Variants in QTMAN observed in about 807,000 individuals in gnomAD.
QTMAN encodes the protein tRNA-queuosine alpha-mannosyltransferase.
the QTMAN span, among the ~76,000 whole-genome samples, chr2:144,156,483 C>T: frequency 6.6e-6 from 1 of 151,978 alleles, no homozygotes; most frequent in Non-Finnish European, 1.5e-5. Context: ...GAGTCCTGGT[C>T]CTTTATACAC....
chr2:144,284,670 G>T, the QTMAN span, among the ~76,000 whole-genome samples: 1 of 151,916 alleles, frequency 6.6e-6, no homozygotes, highest in Non-Finnish European at 1.5e-5. Context: ...AGGTATTAAG[G>T]CATTTATTAA....
chr2:144,185,293 A>G, the QTMAN span, among the ~76,000 whole-genome samples: 1 of 152,186 alleles, frequency 6.6e-6, no homozygotes, highest in South Asian at 2.1e-4. Flanking sequence ...CTAAATGGCA[A>G]CACTGAGGGT....
chr2:144,203,246 G>C, the QTMAN span, among the ~76,000 whole-genome samples: 5 of 151,998 alleles, frequency 3.3e-5, no homozygotes, highest in Admixed American at 1.3e-4. Context: ...GTGGGGGAGA[G>C]AGCAAAGAGA....
chr2:144,201,118 A>C, the QTMAN span, among the ~76,000 whole-genome samples: 1 of 152,198 alleles, frequency 6.6e-6, no homozygotes, highest in Non-Finnish European at 1.5e-5. Flanking sequence ...AGCAAACAAA[A>C]TTATTACAGG....
chr2:144,204,721 T>C, the QTMAN span, among the ~76,000 whole-genome samples: 1 of 152,092 alleles, frequency 6.6e-6, no homozygotes, highest in African/African-American at 2.4e-5. Flanking sequence ...CTATTCACAA[T>C]AGCAAAGACT....
the QTMAN span, chr2:144,210,951 C>T: frequency 1.3e-5 from 2 of 152,118 alleles, no homozygotes; most frequent in South Asian, 2.1e-4. Flanking sequence ...GTAAAAATGA[C>T]CTATTTCCCC....
chr2:144,137,972 C>T, the QTMAN span, among the ~76,000 whole-genome samples: 1 of 152,102 alleles, frequency 6.6e-6, no homozygotes, highest in Admixed American at 6.6e-5. Flanking sequence ...CTTTGTTCCA[C>T]AGGATAATTA....
At chr2:144,297,348 T>C in the QTMAN span, among the ~76,000 whole-genome samples, 25 of 152,244 alleles carry the variant, frequency 1.6e-4, no homozygotes, top group East Asian at 4.2e-3. Context: ...GCAAAAACTT[T>C]CTTTTTGTCT....
the QTMAN span, chr2:143,943,871 G>C: frequency 1.1e-4 from 17 of 152,166 alleles, no homozygotes; most frequent in African/African-American, 3.9e-4. Flanking sequence ...TTAAGAACCA[G>C]GTGCCCTGAT....
chr2:144,281,035 T>G, the QTMAN span, among the ~76,000 whole-genome samples: 3 of 151,178 alleles, frequency 2.0e-5, no homozygotes, highest in South Asian at 6.3e-4. Flanking sequence ...ATTAGGTATA[T>G]CTCCTAATGC....
the QTMAN span, among the ~76,000 whole-genome samples, chr2:144,181,749 C>T: frequency 2.0e-5 from 3 of 151,808 alleles, no homozygotes; most frequent in Non-Finnish European, 4.4e-5. Context: ...AGATGGAGGC[C>T]GCAGTGAGCT....
the QTMAN span, among the ~76,000 whole-genome samples, chr2:144,229,421 A>G: frequency 2.6e-5 from 4 of 152,350 alleles, no homozygotes; most frequent in East Asian, 7.7e-4. Context: ...GTTCAGGGTA[A>G]TGATAGAGTA....
chr2:144,195,820 A>G, the QTMAN span, among the ~76,000 whole-genome samples: 3 of 152,286 alleles, frequency 2.0e-5, no homozygotes, highest in East Asian at 1.9e-4. Context: ...ATGTCATTAA[A>G]TATCTTTGAA....
chr2:144,253,408 G>A, the QTMAN span, among the ~76,000 whole-genome samples: 1 of 152,172 alleles, frequency 6.6e-6, no homozygotes, highest in African/African-American at 2.4e-5. Context: ...ACAAGCAGAG[G>A]TTGGAACAGT....
At chr2:144,065,251 A>C in the QTMAN span, among the ~76,000 whole-genome samples, 4 of 152,166 alleles carry the variant, frequency 2.6e-5, no homozygotes, top group Non-Finnish European at 5.9e-5. Flanking sequence ...ACAAACCTAC[A>C]AACAAACCAA....
At chr2:144,244,547 A>C in the QTMAN span, among the ~76,000 whole-genome samples, 4 of 152,380 alleles carry the variant, frequency 2.6e-5, no homozygotes, top group African/African-American at 7.2e-5. Flanking sequence ...AATAATATAA[A>C]AAGTAAGTAA....
chr2:144,235,353 A>G, the QTMAN span, among the ~76,000 whole-genome samples: 9 of 152,306 alleles, frequency 5.9e-5, no homozygotes, highest in Admixed American at 5.9e-4. Context: ...TTAAATGTCT[A>G]TAACTTGGCT....
At chr2:144,150,384 T>C in the QTMAN span, among the ~76,000 whole-genome samples, 1 of 152,092 alleles carries the variant, frequency 6.6e-6, no homozygotes, top group African/African-American at 2.4e-5. Flanking sequence ...GTATTTTCTA[T>C]GATGATGAAA....
the QTMAN span, among the ~76,000 whole-genome samples, chr2:144,148,919 G>A: frequency 6.6e-6 from 1 of 151,806 alleles, no homozygotes; most frequent in African/African-American, 2.4e-5. Context: ...TTAAATAGTG[G>A]AAATTATCTC....
Sources: gnomAD v4.1 joint callset for allele counts (sites outside exome capture counted in the v4.1 genomes callset) on GRCh38, gnomAD v4.1.1 for gene constraint, MANE v1.5 for transcripts, NCBI Gene and HGNC (gene_info 2026-07-23, HGNC 2026-07-21) for gene names.